Variants in PLK4 observed in about 807,000 individuals in gnomAD.
The protein encoded by PLK4 is polo like kinase 4.
Under a neutral mutation model 103.0 loss-of-function variants are expected in PLK4, and 51 were observed. The ratio of observed to expected loss-of-function variants is 0.50; its 90% confidence interval spans 0.40 to 0.63. The LOEUF (loss-of-function observed/expected upper bound fraction) is 0.63. Among genes scored for constraint, PLK4 ranks in the 20% least tolerant of loss-of-function variants. The pLI, the probability that PLK4 is intolerant of heterozygous loss-of-function variation, is 0.00. For synonymous variants in PLK4, 389 were observed against 376.8 expected, an observed-to-expected ratio of 1.03 and a Z score of -0.38; for missense variants, 1,054 against 1,151.0, an observed-to-expected ratio of 0.92 and a Z score of 1.22.
At position 127,898,526 on chromosome 4, in the gene PLK4, T is replaced by G; in HGVS notation, c.2898T>G (p.Thr966=). The part of the protein sequence containing the change: ...SSILLMFSNP[T]PNFH ...TCCTTTTGATGTTTTCTAATCCGAC[T>G]CCTAATTTTCATTGATTAAAACTCC... Residue 966 remains threonine (T), a synonymous_variant, in exon 16 of 16, where the codon ACT becomes ACG. Transcript: ENST00000270861. 6.6e-7 allele frequency: 1 copy of G among 1,507,506 alleles called. No homozygotes were observed. The highest frequency in any genetic ancestry group is 9.2e-7 in the Non-Finnish European group (1 of 1,089,316). The allele number at this position is 1,507,506 out of a possible 1,614,324, so 93.4% of individuals were successfully genotyped here. A position where few individuals can be genotyped will look rare whatever the true frequency, so the allele number is the denominator to read the frequency against.
At chr4:127,893,462 T>G (rs1261933041) in intron 11 of PLK4, 44 bp downstream of exon 11, 10 of 1,601,422 alleles carry the variant, frequency 6.2e-6, no homozygotes, top group Middle Eastern at 1.7e-4. Context: ...TAATAATGAT[T>G]GCAAATGACA....
chr4:127,887,271 T>G (rs1436188834), intron 5 of PLK4, 125 bp from the exon 6 acceptor site: 1 of 623,462 alleles, frequency 1.6e-6, no homozygotes, highest in South Asian at 2.1e-5. Flanking sequence ...AATATTGTTT[T>G]CTATAGTTAT....
rs188361887 is a variant in PLK4 at position 127,883,409 on chromosome 4, T to C, written c.223-30T>C. Reference sequence around the variant, plus strand: ...CCAAGGACACTGAATTTTTGTATATTTTAATTTATTATGCCCTTTCACATT... The same window carrying C: ...CCAAGGACACTGAATTTTTGTATATCTTAATTTATTATGCCCTTTCACATT... On this transcript the variant is annotated intron_variant, in intron 3 of 15. Transcript: ENST00000270861. 1.1e-3 allele frequency: 1,577 copies of C among 1,403,342 alleles called. 1 individual carries two copies. The highest frequency in any genetic ancestry group is 1.5e-3 in the Non-Finnish European group (1,471 of 994,282). 86.9% of individuals were successfully genotyped at this position (1,403,342 alleles called of 1,614,324 possible). A position where few individuals can be genotyped will look rare whatever the true frequency, so the allele number is the denominator to read the frequency against.
chr4:127,883,104 A>T (rs904221967), intron 2 of PLK4, among the ~76,000 whole-genome samples, 158 bp from the exon 3 acceptor site: 1 of 152,178 alleles, frequency 6.6e-6, no homozygotes, highest in Non-Finnish European at 1.5e-5. Context: ...TCTGCCGAGC[A>T]CTCTGCTAGG....
In PLK4 at chr4:127,891,092, G is replaced by C; in HGVS notation, c.1831G>C (p.Val611Leu). Residue 611 changes from valine to leucine, a missense_variant and splice_region_variant, in exon 8 of 16, where the codon GTG becomes CTG. Val to Leu is a conservative substitution (Grantham distance 32). Transcript: ENST00000270861. ...PIRQKTKKAV[V>L]SILDSEEVCV... ...GATTTTGGGTTTTTTTTTTTTTTAG[G>C]TGAGCATACTTGATTCAGAGGAGGT... 1 of 1,488,822 alleles carries C rather than the reference G, an allele frequency of 6.7e-7. No homozygotes were observed. 92.2% of individuals were successfully genotyped at this position (1,488,822 alleles called of 1,614,324 possible). A position where few individuals can be genotyped will look rare whatever the true frequency, so the allele number is the denominator to read the frequency against.
chr4:127,880,905 G>C lies in PLK4; in HGVS notation c.-230G>C. On this transcript the variant is annotated 5_prime_UTR_variant, in exon 1 of 16. Transcript: ENST00000270861. ...ATCTCGTTACGTCACCACCAGCCTA[G>C]CTCGGACGGCAAGCGGCGGGAGATT... 1.7e-6 allele frequency: 1 copy of C among 576,436 alleles called. No homozygotes were observed. Among genetic ancestry groups the C allele is most frequent in the South Asian group, 2.0e-5 (1 of 49,810 alleles). The allele number at this position is 576,436 out of a possible 1,614,324, so 35.7% of individuals were successfully genotyped here.
chr4:127,893,777 CCTT>C lies in PLK4; in HGVS notation c.2461_2463del (p.Ser821del), dbSNP rs1735455638. 4 of 1,613,124 alleles carry C rather than the reference CCTT, an allele frequency of 2.5e-6. No homozygotes were observed. Among genetic ancestry groups the C allele is most frequent in the Admixed American group, 1.7e-5 (1 of 60,004 alleles). On this transcript the variant is annotated inframe_deletion, in exon 13 of 16. Transcript: ENST00000270861. ...TTCACCTAAGGCCTTATCACCTCCTCCTTCTGTGGATTCAAATTACCCAACGAG... is the reference window on the plus strand; with the variant it reads ...TTCACCTAAGGCCTTATCACCTCCTCCTGTGGATTCAAATTACCCAACGAG...
chr4:127,895,117 A>T, intron 14 of PLK4, 24 bp downstream of exon 14: 1 of 1,490,996 alleles, frequency 6.7e-7, no homozygotes, highest in East Asian at 2.4e-5. Flanking sequence ...AGTACAGTGC[A>T]TTTTCTCAGT....
chr4:127,895,166 C>A lies in PLK4; in HGVS notation c.2703+73C>A. 3.1e-6 allele frequency: 3 copies of A among 977,304 alleles called. No individual in the cohort carries two copies. In the South Asian group the frequency reaches 7.0e-5, roughly 23 times the overall value. 60.5% of individuals were successfully genotyped at this position (977,304 alleles called of 1,614,324 possible). On this transcript the variant is annotated intron_variant, in intron 14 of 15. Coordinates refer to ENST00000270861, the MANE Select transcript of PLK4 (RefSeq NM_014264.5). ...CATTTTCACACTGATAAGACAATTACCAAAAAATACAAATTATTGTAATGA... is the reference window on the plus strand; with the variant it reads ...CATTTTCACACTGATAAGACAATTAACAAAAAATACAAATTATTGTAATGA...
chr4:127,890,064 C>T lies in PLK4; in HGVS notation c.1658C>T (p.Pro553Leu). ...MKYMTALHSKPEIIQQECVFG... is the reference protein window; with the variant it reads ...MKYMTALHSKLEIIQQECVFG... ...TATATGACTGCACTTCACAGTAAAC[C>T]TGAGATAATCCAACAAGAATGTGTT... is the stretch of plus-strand genomic sequence containing the variant. The change falls in exon 7 of 16, where the codon CCT (proline) becomes CTT (leucine). Residue 553 changes from proline (P) to leucine (L), a missense_variant. Pro to Leu is a moderately conservative substitution (Grantham distance 98). Transcript: ENST00000270861. The T allele has an allele frequency of 6.2e-7, 1 of 1,613,956 alleles. No individual in the cohort carries two copies. The highest frequency in any genetic ancestry group is 2.2e-5 in the East Asian group (1 of 44,878).
chr4:127,881,804 A>C (rs1218229767), intron 1 of PLK4, 27 bp from the exon 2 acceptor site: 2 of 1,289,570 alleles, frequency 1.6e-6, no homozygotes, highest in Non-Finnish European at 2.3e-6. Context: ...GAGTCATCAC[A>C]CATAATCTTT....
At chr4:127,881,525 C>T (rs1293531789) in intron 1 of PLK4, among the ~76,000 whole-genome samples, 1 of 152,134 alleles carries the variant, frequency 6.6e-6, no homozygotes, top group African/African-American at 2.4e-5. Context: ...GGATTCTGAC[C>T]GAGCCCTCCG....
chr4:127,893,650 G>C, intron 12 of PLK4, 46 bp downstream of exon 12: 2 of 1,581,550 alleles, frequency 1.3e-6, no homozygotes, highest in Non-Finnish European at 1.7e-6. Flanking sequence ...TGTTTTAAAA[G>C]TTTGATGTTT....
chr4:127,893,678 T>C, intron 12 of PLK4, 56 bp from the exon 13 acceptor site: 3 of 1,585,376 alleles, frequency 1.9e-6, no homozygotes, highest in Non-Finnish European at 2.6e-6. Context: ...AAACATTCTT[T>C]AGTTTTCTGT....
intron 13 of PLK4, 33 bp from the exon 14 acceptor site, chr4:127,894,920 G>A (rs1735504878): frequency 7.2e-6 from 10 of 1,388,876 alleles, no homozygotes; most frequent in African/African-American, 1.5e-5. Flanking sequence ...AAATGCTGAG[G>A]AATAATATCT....
rs375431244 is a variant in PLK4 at position 127,891,481 on chromosome 4, T to C, written c.1936-98T>C. On this transcript the variant is annotated intron_variant, in intron 8 of 15. Transcript: ENST00000270861. ...TTTAACATTTTTCTATAAAATAATA[T>C]TTAATGTTACATTTAAACACTTTGT... The C allele has an allele frequency of 1.6e-5, 8 of 493,450 alleles. No homozygotes were observed. The East Asian group carries it at 2.6e-4, about 16-fold the overall frequency. 30.6% of individuals were successfully genotyped at this position (493,450 alleles called of 1,614,324 possible). A position where few individuals can be genotyped will look rare whatever the true frequency, so the allele number is the denominator to read the frequency against.
At chr4:127,893,041 G>T (rs1735422779) in intron 10 of PLK4, among the ~76,000 whole-genome samples, 1 of 151,858 alleles carries the variant, frequency 6.6e-6, no homozygotes, top group African/African-American at 2.4e-5. Context: ...TTATGTTTTT[G>T]TATGAATATA....
At chr4:127,881,482 G>T (rs1301795862) in intron 1 of PLK4, 3 of 1,044,678 alleles carry the variant, frequency 2.9e-6, no homozygotes, top group East Asian at 6.0e-5. Flanking sequence ...TTCTCCAAGG[G>T]GATGGCGGTT....
chr4:127,888,588 C>T (rs1433617456), intron 6 of PLK4, among the ~76,000 whole-genome samples: 2 of 152,148 alleles, frequency 1.3e-5, no homozygotes, highest in Non-Finnish European at 2.9e-5. Flanking sequence ...AATGGGACCT[C>T]ACACTAAAGT....
Sources: gnomAD v4.1 joint callset for allele counts (sites outside exome capture counted in the v4.1 genomes callset) on GRCh38, gnomAD v4.1.1 for gene constraint, MANE v1.5 for transcripts, NCBI Gene and HGNC (gene_info 2026-07-23, HGNC 2026-07-21) for gene names.